The following FSTL1 variants were observed in gnomAD, a reference collection of about 807,000 sequenced individuals.
FSTL1 encodes follistatin-related protein 1.
In FSTL1, 24 loss-of-function variants were observed where a neutral mutation model predicts 45.9. That is an observed-to-expected ratio of 0.52 (90% confidence interval 0.38 to 0.74). The LOEUF is 0.74. FSTL1 is among the 30% of genes least tolerant of loss of function. The pLI, the probability that FSTL1 is intolerant of heterozygous loss-of-function variation, is 0.00. For missense variants in FSTL1, 340 were observed against 381.8 expected (o/e 0.89, Z 0.91); for synonymous variants, 120 against 137.6 (o/e 0.87, Z 0.89).
At chr3:120,436,681 G>C (rs1172778577) in intron 2 of FSTL1, among the ~76,000 whole-genome samples, 1 of 152,224 alleles carries the variant, frequency 6.6e-6, no homozygotes, top group African/African-American at 2.4e-5. Context: ...ACTAGAGGAA[G>C]GGGAACAAAG....
In FSTL1 at chr3:120,394,659, AG is replaced by A. The variant is rs1936660792; in HGVS notation, c.*2292del. On this transcript the variant is annotated 3_prime_UTR_variant, in exon 11 of 11. Transcript: ENST00000295633. ...TGCAGGCTAAGCCCTATGCTTTTAGAGGGCTGAAGGAACCAAACCTAGTTTA... is the reference window on the plus strand; with the variant it reads ...TGCAGGCTAAGCCCTATGCTTTTAGAGGCTGAAGGAACCAAACCTAGTTTA... The A allele has an allele frequency of 6.6e-6, 1 of 152,212 alleles. No homozygotes were observed. The highest frequency in any genetic ancestry group is 2.4e-5 in the African/African-American group (1 of 41,446). The allele number at this position is 152,212 out of a possible 1,614,324, so 9.4% of individuals were successfully genotyped here. A position where few individuals can be genotyped will look rare whatever the true frequency, so the allele number is the denominator to read the frequency against.
intron 6 of FSTL1, among the ~76,000 whole-genome samples, chr3:120,408,816 C>CTGTG (rs10662375): frequency 3.3e-5 from 5 of 151,670 alleles, no homozygotes; most frequent in African/African-American, 7.3e-5. Context: ...TGTGATGTAC[C>CTGTG]TGTGTGTGTG....
At chr3:120,410,466 A>T (rs903099924) in intron 5 of FSTL1, 4 of 292,180 alleles carry the variant, frequency 1.4e-5, no homozygotes, top group Non-Finnish European at 2.7e-5. Context: ...AATAAGATCT[A>T]CTTCACAAAG....
At chr3:120,414,299 C>T (rs1313178291) in intron 3 of FSTL1, among the ~76,000 whole-genome samples, 1 of 152,022 alleles carries the variant, frequency 6.6e-6, no homozygotes, top group African/African-American at 2.4e-5. Flanking sequence ...ACGTGAGAAG[C>T]GTCTCTGCCC....
intron 3 of FSTL1, 76 bp from the exon 4 acceptor site, chr3:120,412,059 A>ATG: frequency 2.0e-4 from 119 of 591,422 alleles, no homozygotes; most frequent in South Asian, 3.1e-4. Flanking sequence ...ACATACATGC[A>ATG]CACACACACA....
At chr3:120,428,169 T>A (rs977481233) in intron 2 of FSTL1, among the ~76,000 whole-genome samples, 2 of 152,082 alleles carry the variant, frequency 1.3e-5, no homozygotes, top group African/African-American at 4.8e-5. Flanking sequence ...CTCTAACTAC[T>A]CCCCTCTGTC....
intron 2 of FSTL1, among the ~76,000 whole-genome samples, chr3:120,445,223 C>T (rs1238434647): frequency 6.7e-6 from 1 of 149,908 alleles, no homozygotes; most frequent in African/African-American, 2.5e-5. Context: ...GTTTGCTGCA[C>T]ATCCTTGTAG....
intron 2 of FSTL1, among the ~76,000 whole-genome samples, chr3:120,416,645 T>TGC (rs1937191390): frequency 2.0e-5 from 3 of 152,200 alleles, no homozygotes; most frequent in Admixed American, 6.5e-5. Context: ...CTAGGCATTA[T>TGC]CATCTCAAAG....
chr3:120,400,033 G>C (rs1936790461), intron 9 of FSTL1, 74 bp from the exon 10 acceptor site: 1 of 954,192 alleles, frequency 1.0e-6, no homozygotes. Flanking sequence ...GATCTACCTA[G>C]AGGCTCTCAA....
At chr3:120,428,569 A>G (rs894792182) in intron 2 of FSTL1, among the ~76,000 whole-genome samples, 5 of 152,120 alleles carry the variant, frequency 3.3e-5, no homozygotes, top group Non-Finnish European at 5.9e-5. Context: ...CCCCCTCTCC[A>G]TTAAAAATAC....
chr3:120,400,822 G>A (rs530668791), intron 9 of FSTL1, among the ~76,000 whole-genome samples: 7 of 152,224 alleles, frequency 4.6e-5, no homozygotes, highest in African/African-American at 9.6e-5. Flanking sequence ...TTAGATCCAC[G>A]GCCTACACAT....
intron 6 of FSTL1, among the ~76,000 whole-genome samples, chr3:120,406,500 G>A (rs1936951011): frequency 6.6e-6 from 1 of 152,198 alleles, no homozygotes; most frequent in African/African-American, 2.4e-5. Context: ...AGTCCAGGCA[G>A]CTCTCAAAAG....
intron 2 of FSTL1, among the ~76,000 whole-genome samples, chr3:120,446,725 C>T (rs754890301): frequency 2.0e-5 from 3 of 152,132 alleles, no homozygotes; most frequent in Non-Finnish European, 2.9e-5. Context: ...TAGAGGAGCT[C>T]CCAAATATAA....
At chr3:120,450,768 G>C (rs1019476619) in intron 1 of FSTL1, 22 bp from the exon 2 acceptor site, 1 of 1,549,566 alleles carries the variant, frequency 6.5e-7, no homozygotes, top group Non-Finnish European at 8.7e-7. Flanking sequence ...AGAAGAGAGC[G>C]AGTCTGAAGG....
intron 10 of FSTL1, 108 bp from the exon 11 acceptor site, chr3:120,397,104 T>C: frequency 1.1e-6 from 1 of 913,698 alleles, no homozygotes; most frequent in Non-Finnish European, 1.8e-6. Context: ...TTATGCTGAA[T>C]TTTAGTTGTT....
chr3:120,418,495 G>A (rs967367009), intron 2 of FSTL1, among the ~76,000 whole-genome samples: 5 of 152,208 alleles, frequency 3.3e-5, no homozygotes, highest in South Asian at 2.1e-4. Context: ...AGGTGAGAGA[G>A]CAGAGGCTTA....
At chr3:120,438,686 C>A (rs1487746827) in intron 2 of FSTL1, among the ~76,000 whole-genome samples, 1 of 152,160 alleles carries the variant, frequency 6.6e-6, no homozygotes, top group Admixed American at 6.5e-5. Flanking sequence ...ATTTTAGAGC[C>A]CACCTACTCT....
At chr3:120,431,259 C>T (rs545780000) in intron 2 of FSTL1, among the ~76,000 whole-genome samples, 1 of 152,156 alleles carries the variant, frequency 6.6e-6, no homozygotes, top group Non-Finnish European at 1.5e-5. Flanking sequence ...TTGTGAGCCA[C>T]CGCACCCGGC....
chr3:120,434,729 T>C (rs1206000021), intron 2 of FSTL1, among the ~76,000 whole-genome samples: 1 of 152,182 alleles, frequency 6.6e-6, no homozygotes, highest in Non-Finnish European at 1.5e-5. Flanking sequence ...TCTCTCCCTA[T>C]GGTGTTATTA....
Sources: allele counts gnomAD v4.1 joint callset (sites outside exome capture counted in the v4.1 genomes callset), GRCh38; gene constraint gnomAD v4.1.1; transcripts MANE v1.5; gene names NCBI Gene and HGNC (gene_info 2026-07-23, HGNC 2026-07-21).